Variants in PTPRT observed in about 807,000 individuals in gnomAD.
PTPRT encodes protein tyrosine phosphatase receptor type T, also known as receptor-type tyrosine-protein phosphatase T.
PTPRT carries 56 observed loss-of-function variants against 176.8 expected under a neutral mutation model. The ratio of observed to expected loss-of-function variants is 0.32; its 90% CI spans 0.26 to 0.40. PTPRT has a LOEUF of 0.40. Ranked by LOEUF, PTPRT falls within the 10% of genes least tolerant of loss-of-function variation. PTPRT has a pLI of 1.00. For missense variants in PTPRT, 1,540 were observed against 1,908.2 expected, an observed-to-expected ratio of 0.81 and a Z score of 3.60; for synonymous variants, 783 against 739.0, an observed-to-expected ratio of 1.06 and a Z score of -0.96.
At chr20:43,038,262 G>A (rs1986464720) in intron 1 of PTPRT, among the ~76,000 whole-genome samples, 1 of 151,968 alleles carries the variant, frequency 6.6e-6, no homozygotes, top group African/African-American at 2.4e-5. Context: ...AAGGGATTAA[G>A]GAGCTGTATA....
At chr20:42,956,484 G>A (rs1332855021) in intron 1 of PTPRT, among the ~76,000 whole-genome samples, 3 of 152,026 alleles carry the variant, frequency 2.0e-5, no homozygotes, top group Non-Finnish European at 4.4e-5. Context: ...TTTGCCTTCT[G>A]CCTTGATTGT....
At chr20:42,904,481 G>A (rs1055476079) in intron 1 of PTPRT, among the ~76,000 whole-genome samples, 25 of 152,188 alleles carry the variant, frequency 1.6e-4, no homozygotes, top group Non-Finnish European at 3.1e-4. Flanking sequence ...CTGGCTGGAA[G>A]CTCTTGACAG....
At chr20:42,463,216 A>C (rs1053052098) in intron 8 of PTPRT, among the ~76,000 whole-genome samples, 3 of 152,208 alleles carry the variant, frequency 2.0e-5, no homozygotes, top group African/African-American at 7.2e-5. Context: ...ACTTCTCGGC[A>C]AAAAATTCCT....
chr20:42,632,605 C>T (rs1334393035), intron 7 of PTPRT, among the ~76,000 whole-genome samples: 1 of 150,938 alleles, frequency 6.6e-6, no homozygotes, highest in East Asian at 1.9e-4. Flanking sequence ...ACTATGTTTA[C>T]TAATTTTTAC....
intron 7 of PTPRT, among the ~76,000 whole-genome samples, chr20:42,504,350 T>C (rs1442690100): frequency 6.6e-6 from 1 of 152,146 alleles, no homozygotes; most frequent in African/African-American, 2.4e-5. Flanking sequence ...AAAAACCATC[T>C]CACTGACAGA....
chr20:42,735,960 A>G (rs1427925847), intron 6 of PTPRT, among the ~76,000 whole-genome samples: 1 of 152,170 alleles, frequency 6.6e-6, no homozygotes, highest in Non-Finnish European at 1.5e-5. Flanking sequence ...CTAGAAAATA[A>G]GAATCATAAT....
chr20:42,508,718 G>A (rs530693853), intron 7 of PTPRT, among the ~76,000 whole-genome samples: 2 of 151,526 alleles, frequency 1.3e-5, no homozygotes, highest in Non-Finnish European at 2.9e-5. Context: ...CAGACAATCT[G>A]CCTAGAGAAG....
intron 1 of PTPRT, among the ~76,000 whole-genome samples, chr20:43,073,480 T>TACAC (rs11471693): frequency 0.52 from 77,124 of 149,428 alleles, 20,157 homozygotes; most frequent in East Asian, 0.73. Flanking sequence ...TATATATATA[T>TACAC]ACACACACAC....
At chr20:43,025,541 G>T (rs1985875317) in intron 1 of PTPRT, among the ~76,000 whole-genome samples, 1 of 152,130 alleles carries the variant, frequency 6.6e-6, no homozygotes, top group South Asian at 2.1e-4. Context: ...GAATCTCCTG[G>T]AAAAAATCAT....
intron 23 of PTPRT, among the ~76,000 whole-genome samples, chr20:42,109,217 C>T (rs1986800334): frequency 6.6e-6 from 1 of 152,146 alleles, no homozygotes; most frequent in Middle Eastern, 3.2e-3. Flanking sequence ...TGGAGTCTTC[C>T]ATGGTCTCTT....
chr20:43,079,223 CT>C (rs1009525164), intron 1 of PTPRT, among the ~76,000 whole-genome samples: 3 of 132,788 alleles, frequency 2.3e-5, no homozygotes, highest in Admixed American at 8.1e-5. Flanking sequence ...TCTCTCCCCC[CT>C]GTCCTCTACC....
At chr20:42,894,326 A>G (rs1322120169) in intron 1 of PTPRT, among the ~76,000 whole-genome samples, 1 of 152,204 alleles carries the variant, frequency 6.6e-6, no homozygotes, top group African/African-American at 2.4e-5. Flanking sequence ...GCAAGGTCAA[A>G]GAGACGGGGA....
chr20:42,740,502 C>G (rs2076592974), intron 6 of PTPRT, among the ~76,000 whole-genome samples: 1 of 152,180 alleles, frequency 6.6e-6, no homozygotes, highest in East Asian at 1.9e-4. Context: ...AATGACCGCA[C>G]AGTTTTGGCA....
chr20:42,747,657 T>C (rs941144806), intron 6 of PTPRT, among the ~76,000 whole-genome samples: 3 of 152,104 alleles, frequency 2.0e-5, no homozygotes, highest in African/African-American at 4.8e-5. Context: ...AAGAAATGCA[T>C]GTCAGGCAAA....
intron 1 of PTPRT, among the ~76,000 whole-genome samples, chr20:42,958,899 G>C (rs1981829563): frequency 6.6e-6 from 1 of 152,132 alleles, no homozygotes; most frequent in Non-Finnish European, 1.5e-5. Flanking sequence ...TATTTGCCTG[G>C]AAAATCAATA....
chr20:42,082,971 G>C (rs1001359627), intron 29 of PTPRT, among the ~76,000 whole-genome samples: 1 of 152,084 alleles, frequency 6.6e-6, no homozygotes, highest in African/African-American at 2.4e-5. Context: ...TCACTGACTG[G>C]TGCCTGCATT....
chr20:42,374,474 A>G (rs1044949811), intron 9 of PTPRT, among the ~76,000 whole-genome samples: 1 of 152,266 alleles, frequency 6.6e-6, no homozygotes, highest in Non-Finnish European at 1.5e-5. Context: ...TAATAATGTT[A>G]AAACTTACAA....
At chr20:42,956,233 C>T (rs1298856046) in intron 1 of PTPRT, among the ~76,000 whole-genome samples, 1 of 152,118 alleles carries the variant, frequency 6.6e-6, no homozygotes, top group African/African-American at 2.4e-5. Flanking sequence ...TCATATTGAA[C>T]TGTAATCCCC....
chr20:42,670,103 A>G (rs1040023947), intron 7 of PTPRT, among the ~76,000 whole-genome samples: 2 of 152,190 alleles, frequency 1.3e-5, no homozygotes, highest in African/African-American at 4.8e-5. Context: ...ACTGTCTAAG[A>G]AAGTACACAG....
Sources: allele counts gnomAD v4.1 joint callset (sites outside exome capture counted in the v4.1 genomes callset), GRCh38; gene constraint gnomAD v4.1.1; transcripts MANE v1.5; gene names NCBI Gene and HGNC (gene_info 2026-07-23, HGNC 2026-07-21).